CTNNA2: variants seen among roughly 807,000 people sequenced by gnomAD.
CTNNA2 encodes catenin alpha 2.
In CTNNA2, 42 loss-of-function variants were observed where a neutral mutation model predicts 101.0. That is an observed-to-expected ratio of 0.42 (90% CI 0.32 to 0.54). CTNNA2 has a LOEUF of 0.54. Among genes scored for constraint, CTNNA2 ranks in the 20% least tolerant of loss-of-function variants. The probability of loss-of-function intolerance (pLI) is 0.14; values close to 1 mark genes in which losing one functional copy is unlikely to be tolerated. For missense variants in CTNNA2, 871 were observed against 1,223.1 expected (o/e 0.71, Z 4.29); for synonymous variants, 450 against 456.4 (o/e 0.99, Z 0.18).
chr2:79,579,250 C>T (rs527964077), intron 1 of CTNNA2, among the ~76,000 whole-genome samples: 5 of 148,478 alleles, frequency 3.4e-5, no homozygotes, highest in Admixed American at 6.7e-5. Flanking sequence ...TCCTTCCCTC[C>T]CTCCCTCGCT....
At chr2:79,519,177 C>T (rs1671966480) in intron 1 of CTNNA2, among the ~76,000 whole-genome samples, 1 of 146,094 alleles carries the variant, frequency 6.8e-6, no homozygotes. Context: ...TGCAGTGAGC[C>T]GAGATGGTGC....
At chr2:80,352,846 A>G (rs954978943) in intron 7 of CTNNA2, among the ~76,000 whole-genome samples, 10 of 152,140 alleles carry the variant, frequency 6.6e-5, no homozygotes, top group Non-Finnish European at 1.0e-4. Flanking sequence ...AGATATTTTT[A>G]ACTTCTTCCT....
intron 3 of CTNNA2, among the ~76,000 whole-genome samples, chr2:79,758,284 T>A (rs571719925): frequency 1.4e-4 from 22 of 152,280 alleles, no homozygotes; most frequent in Admixed American, 5.9e-4. Flanking sequence ...CAGATAAGAT[T>A]GTTGAAGACG....
chr2:79,392,427 T>C lies in CTNNA2; in HGVS notation c.-135+18414T>C, dbSNP rs558521423. Among the ~76,000 whole-genome samples, 5 of 152,308 alleles carry C rather than the reference T, an allele frequency of 3.3e-5. No individual in the cohort carries two copies. The South Asian group carries it at 6.2e-4, about 19-fold the overall frequency. On this transcript the variant is annotated intron_variant, in intron 4 of 21. Transcript: ENST00000466387. The stretch of plus-strand genomic sequence containing the variant: ...GTAAAACCTCAGAAAAGGATCAATG[T>C]TTTCTCTGAAATCCATGGTTACTAT...
chr2:79,264,145 A>G (rs1241378259), intron 2 of CTNNA2, among the ~76,000 whole-genome samples: 1 of 152,174 alleles, frequency 6.6e-6, no homozygotes, highest in East Asian at 1.9e-4. Context: ...GGAGGGAAAC[A>G]TAAGTACCAC....
At chr2:80,577,284 A>T (rs898268668) in intron 13 of CTNNA2, among the ~76,000 whole-genome samples, 4 of 152,234 alleles carry the variant, frequency 2.6e-5, no homozygotes, top group Admixed American at 2.6e-4. Flanking sequence ...AAACCAAAGT[A>T]TCCTAAAGGG....
chr2:80,357,259 G>GT (rs1673922417), intron 7 of CTNNA2, among the ~76,000 whole-genome samples: 1 of 145,922 alleles, frequency 6.9e-6, no homozygotes, highest in Non-Finnish European at 1.5e-5. Flanking sequence ...TTGTTTGTTT[G>GT]TTTTTGTTTT....
chr2:79,690,069 A>G (rs1327915542), intron 2 of CTNNA2, among the ~76,000 whole-genome samples: 1 of 152,040 alleles, frequency 6.6e-6, no homozygotes, highest in Non-Finnish European at 1.5e-5. Context: ...TCTAAATCTG[A>G]TGAAAGCCAT....
At chr2:80,097,209 C>CA (rs1436004909) in intron 7 of CTNNA2, among the ~76,000 whole-genome samples, 1 of 152,060 alleles carries the variant, frequency 6.6e-6, no homozygotes, top group Non-Finnish European at 1.5e-5. Flanking sequence ...CTGGTGGTGA[C>CA]AAAATCTCTC....
chr2:80,449,826 C>A (rs991962177), intron 9 of CTNNA2, among the ~76,000 whole-genome samples: 3 of 152,134 alleles, frequency 2.0e-5, no homozygotes, highest in African/African-American at 7.2e-5. Context: ...TAGCCAAGTA[C>A]AAGGGTGTCA....
intron 3 of CTNNA2, among the ~76,000 whole-genome samples, chr2:79,747,410 A>G (rs984739698): frequency 1.3e-5 from 2 of 152,194 alleles, no homozygotes; most frequent in Non-Finnish European, 2.9e-5. Context: ...AATTTACAAT[A>G]TGATAAATTT....
At chr2:80,120,537 G>C (rs77375338) in intron 7 of CTNNA2, among the ~76,000 whole-genome samples, 1 of 152,198 alleles carries the variant, frequency 6.6e-6, no homozygotes, top group Non-Finnish European at 1.5e-5. Flanking sequence ...TCAGGTGGCT[G>C]CCTTTAACTG....
chr2:79,784,160 A>T (rs1020786118), intron 3 of CTNNA2, among the ~76,000 whole-genome samples: 6 of 152,164 alleles, frequency 3.9e-5, no homozygotes, highest in Non-Finnish European at 8.8e-5. Flanking sequence ...CTCTACTTCC[A>T]GTGGTCATGT....
At chr2:80,589,903 T>TGTGTGCGC (rs1553400676) in intron 15 of CTNNA2, among the ~76,000 whole-genome samples, 3 of 144,516 alleles carry the variant, frequency 2.1e-5, no homozygotes, top group Admixed American at 1.4e-4. Context: ...TGTGTGTGTG[T>TGTGTGCGC]GTGCGCGCGC....
chr2:80,137,514 A>T (rs531550422), intron 7 of CTNNA2, among the ~76,000 whole-genome samples: 11 of 152,012 alleles, frequency 7.2e-5, no homozygotes, highest in African/African-American at 2.4e-4. Flanking sequence ...GAGACTTAAG[A>T]CTCCCTGGAC....
intron 7 of CTNNA2, among the ~76,000 whole-genome samples, chr2:80,248,307 C>T (rs973244586): frequency 6.6e-6 from 1 of 152,108 alleles, no homozygotes; most frequent in African/African-American, 2.4e-5. Context: ...GCTTTGGAAA[C>T]AGCTCACAAA....
At chr2:79,372,648 C>A (rs892199766) in intron 3 of CTNNA2, among the ~76,000 whole-genome samples, 3 of 152,130 alleles carry the variant, frequency 2.0e-5, no homozygotes, top group Non-Finnish European at 4.4e-5. Context: ...AGAAGCAACA[C>A]AAAGGGCTGT....
At chr2:80,362,622 T>G (rs1339404648) in intron 7 of CTNNA2, among the ~76,000 whole-genome samples, 1 of 152,118 alleles carries the variant, frequency 6.6e-6, no homozygotes, top group Non-Finnish European at 1.5e-5. Flanking sequence ...AATATTTAAG[T>G]GGAAACTTAA....
Position 79,297,401 on chromosome 2 carries a change from C to T in CTNNA2, c.-405-15308C>T, listed in dbSNP as rs59212356. Among the ~76,000 whole-genome samples, 615 of 152,280 alleles carry T rather than the reference C, an allele frequency of 4.0e-3. 6 individuals carry two copies. The highest frequency in any genetic ancestry group is 0.014 in the African/African-American group (582 of 41,554). On this transcript the variant is annotated intron_variant, in intron 2 of 21. Transcript: ENST00000466387. ...ATCCTTCTTTTTCTTCCCAGTCACT[C>T]TCTTACATTTGAACAAGAGTTTTTA...
Sources: gnomAD v4.1 joint callset for allele counts (sites outside exome capture counted in the v4.1 genomes callset) on GRCh38, gnomAD v4.1.1 for gene constraint, MANE v1.5 for transcripts, NCBI Gene and HGNC (gene_info 2026-07-23, HGNC 2026-07-21) for gene names.